STXBP5: variants seen among roughly 807,000 people sequenced by gnomAD.
STXBP5 encodes the protein syntaxin-binding protein 5.
STXBP5 carries 50 observed loss-of-function variants against 152.4 expected under a neutral mutation model. The observed-to-expected ratio is 0.33, with a 90% confidence interval of 0.26 to 0.42. The LOEUF (loss-of-function observed/expected upper bound fraction) is 0.42, where lower values mean the gene tolerates loss of function less well. Ranked by LOEUF, STXBP5 falls within the 10% of genes least tolerant of loss-of-function variation. The pLI is 1.00. For synonymous variants in STXBP5, 492 were observed against 494.7 expected (o/e 0.99, Z 0.07); for missense variants, 1,167 against 1,388.6 (o/e 0.84, Z 2.54).
chr6:147,293,970 A>C (rs751795611), intron 9 of STXBP5, among the ~76,000 whole-genome samples: 1 of 152,198 alleles, frequency 6.6e-6, no homozygotes, highest in Non-Finnish European at 1.5e-5. Context: ...GGCAAAGGCA[A>C]ATTCTGACAA....
intron 20 of STXBP5, 27 bp downstream of exon 20, chr6:147,339,265 TTC>T (rs1783981524): frequency 6.6e-7 from 1 of 1,511,806 alleles, no homozygotes; most frequent in South Asian, 1.3e-5. Context: ...TTAAAGTATT[TTC>T]TTTTATGTTT....
chr6:147,343,476 A>G (rs1383705136), intron 21 of STXBP5, among the ~76,000 whole-genome samples: 2 of 152,130 alleles, frequency 1.3e-5, no homozygotes, highest in African/African-American at 4.8e-5. Flanking sequence ...TAACACCTTT[A>G]TTTTTCAAGA....
chr6:147,345,803 G>A (rs1167115363), intron 21 of STXBP5, among the ~76,000 whole-genome samples: 1 of 152,088 alleles, frequency 6.6e-6, no homozygotes, highest in Non-Finnish European at 1.5e-5. Context: ...TGCTTCTCTT[G>A]GACATCATAC....
At chr6:147,253,503 A>G (rs1255603576) in intron 4 of STXBP5, among the ~76,000 whole-genome samples, 1 of 152,224 alleles carries the variant, frequency 6.6e-6, no homozygotes, top group Non-Finnish European at 1.5e-5. Context: ...ACAGGAAGAC[A>G]GGAAGTCAAA....
chr6:147,354,450 A>G (rs1784726927), intron 22 of STXBP5, among the ~76,000 whole-genome samples: 1 of 151,920 alleles, frequency 6.6e-6, no homozygotes, highest in African/African-American at 2.4e-5. Context: ...TGAGAAGGTC[A>G]TAGTTTTCTC....
At chr6:147,297,368 A>G (rs1781578676) in intron 9 of STXBP5, among the ~76,000 whole-genome samples, 1 of 152,204 alleles carries the variant, frequency 6.6e-6, no homozygotes, top group Admixed American at 6.5e-5. Context: ...TCCTTCAGAA[A>G]TGAACGTGAA....
At chr6:147,214,457 A>C (rs1205305367) in intron 2 of STXBP5, among the ~76,000 whole-genome samples, 5 of 152,174 alleles carry the variant, frequency 3.3e-5, no homozygotes, top group Admixed American at 6.5e-5. Context: ...GACATAGTTT[A>C]CTGCTTACTA....
Position 147,364,016 on chromosome 6 carries a change from A to G in STXBP5, c.2931A>G (p.Arg977=). ...TTTTCTCAAGTTTGCCAAGTTTAAG[A>G]CCTCTGTTGGATGTGTATTACTTGC... ...HIMTFSLPSL[R]PLLDVYYLPL... is the part of the protein sequence containing the mutation. The change falls in exon 25 of 28, where the codon AGA becomes AGG. Residue 977 remains arginine, a synonymous_variant. Transcript: ENST00000321680. The G allele has an allele frequency of 6.2e-7, 1 of 1,612,214 alleles. No homozygotes were observed. Among genetic ancestry groups the G allele is most frequent in the Non-Finnish European group, 8.5e-7 (1 of 1,179,624 alleles).
At chr6:147,233,447 G>A (rs1312219403) in intron 2 of STXBP5, among the ~76,000 whole-genome samples, 2 of 151,572 alleles carry the variant, frequency 1.3e-5, no homozygotes, top group Non-Finnish European at 3.0e-5. Context: ...CAAAAGATTA[G>A]CAATATTATG....
Position 147,363,231 on chromosome 6 carries a change from G to T in STXBP5, c.2546-104G>T, listed in dbSNP as rs531513916. The T allele has an allele frequency of 2.5e-6, 3 of 1,188,378 alleles. No homozygotes were observed. In the East Asian group the frequency reaches 7.5e-5, roughly 30 times the overall value. The allele number at this position is 1,188,378 out of a possible 1,614,324, so 73.6% of individuals were successfully genotyped here. A position where few individuals can be genotyped will look rare whatever the true frequency, so the allele number is the denominator to read the frequency against. On this transcript the variant is annotated intron_variant, in intron 23 of 27. Coordinates refer to ENST00000321680, the MANE Select transcript of STXBP5 (RefSeq NM_001127715.4). ...TGAGCCAGTGTTCAGTTCAATATGC[G>T]TTCAGCATATATTTAAGTATCTACT...
chr6:147,256,768 T>G (rs1015868405), intron 4 of STXBP5, among the ~76,000 whole-genome samples: 1 of 152,206 alleles, frequency 6.6e-6, no homozygotes, highest in African/African-American at 2.4e-5. Context: ...TCCCATATTT[T>G]GTATGGTTTT....
At chr6:147,316,675 G>A (rs1281089588) in intron 16 of STXBP5, among the ~76,000 whole-genome samples, 3 of 151,988 alleles carry the variant, frequency 2.0e-5, no homozygotes, top group Non-Finnish European at 2.9e-5. Context: ...TGTATATATC[G>A]CTCAGTCTTC....
chr6:147,372,919 T>C (rs1263828653), intron 25 of STXBP5, among the ~76,000 whole-genome samples: 1 of 152,182 alleles, frequency 6.6e-6, no homozygotes, highest in Non-Finnish European at 1.5e-5. Context: ...TTTCTGAAAT[T>C]CCAGGTGTAT....
chr6:147,384,636 G>T, intron 27 of STXBP5, 78 bp from the exon 28 acceptor site: 3 of 1,453,950 alleles, frequency 2.1e-6, no homozygotes, highest in Non-Finnish European at 2.9e-6. Context: ...TAATGTTTTG[G>T]AAAAATATAG....
chr6:147,206,178 A>G (rs1776546941), intron 2 of STXBP5, 110 bp downstream of exon 2: 1 of 837,116 alleles, frequency 1.2e-6, no homozygotes, highest in African/African-American at 1.7e-5. Context: ...GTGTGATTAG[A>G]TATATACTAT....
rs1195908095 is a variant in STXBP5 at position 147,291,076 on chromosome 6, C to G, written c.839-18C>G. The G allele has an allele frequency of 3.8e-6, 6 of 1,589,950 alleles. No homozygotes were observed. In the African/African-American group the frequency reaches 5.4e-5, roughly 14 times the overall value. ...TAACTTAGAATTTTAGAATTTAATG[C>G]AGGAAAATATATTTTAGGAAAACAG... is the stretch of plus-strand genomic sequence containing the variant. On this transcript the variant is annotated intron_variant, in intron 8 of 27. Transcript: ENST00000321680.
intron 19 of STXBP5, among the ~76,000 whole-genome samples, chr6:147,337,192 G>GACAGACACACACACACAC (rs1783870711): frequency 3.7e-5 from 2 of 53,946 alleles, no homozygotes; most frequent in African/African-American, 9.8e-5. Context: ...CACATACATA[G>GACAGACACACACACACAC]ACACACACAC....
chr6:147,284,393 C>T (rs1268190124), intron 8 of STXBP5, among the ~76,000 whole-genome samples: 2 of 152,172 alleles, frequency 1.3e-5, no homozygotes, highest in African/African-American at 4.8e-5. Flanking sequence ...ATTGAATAAA[C>T]ATTGAGCACC....
At chr6:147,241,460 C>T (rs1778538484) in intron 4 of STXBP5, among the ~76,000 whole-genome samples, 1 of 152,170 alleles carries the variant, frequency 6.6e-6, no homozygotes, top group African/African-American at 2.4e-5. Flanking sequence ...CCCCTGTCAG[C>T]CACTGATCTG....
Sources: gnomAD v4.1 joint callset for allele counts (sites outside exome capture counted in the v4.1 genomes callset) on GRCh38, gnomAD v4.1.1 for gene constraint, MANE v1.5 for transcripts, NCBI Gene and HGNC (gene_info 2026-07-23, HGNC 2026-07-21) for gene names.